Variants in CXADR observed in about 807,000 individuals in gnomAD.
The protein encoded by CXADR is coxsackievirus and adenovirus receptor.
In CXADR, 20 loss-of-function variants were observed where a neutral mutation model predicts 40.3. The observed-to-expected ratio is 0.50, with a 90% CI of 0.35 to 0.72. The LOEUF (loss-of-function observed/expected upper bound fraction) is 0.72, where lower values mean the gene tolerates loss of function less well. Ranked by LOEUF, CXADR falls within the 30% of genes least tolerant of loss-of-function variation. CXADR has a pLI of 0.01. For synonymous variants in CXADR, 150 were observed against 161.3 expected, an observed-to-expected ratio of 0.93 and a Z score of 0.53; for missense variants, 332 against 449.1, an observed-to-expected ratio of 0.74 and a Z score of 2.36.
Position 17,559,918 on chromosome 21 carries a change from C to G in CXADR, c.572-784C>G, listed in dbSNP as rs117552833. Reference sequence around the variant, plus strand: ...GGTCTCAAACTCCTGGGCTCAAGCTCTCCACCCACCTCAGCCTCCCAAAGT... The same window carrying G: ...GGTCTCAAACTCCTGGGCTCAAGCTGTCCACCCACCTCAGCCTCCCAAAGT... On this transcript the variant is annotated intron_variant, in intron 4 of 6. Coordinates refer to ENST00000284878, the MANE Select transcript of CXADR (RefSeq NM_001338.5). 8.3e-3 allele frequency among the ~76,000 whole-genome samples: 1,250 copies of G among 151,462 alleles called. 69 individuals carry two copies. The East Asian group carries it at 0.16, about 19-fold the overall frequency.
At chr21:17,513,741 G>C (rs1308734572) in intron 1 of CXADR, among the ~76,000 whole-genome samples, 1 of 152,216 alleles carries the variant, frequency 6.6e-6, no homozygotes, top group Non-Finnish European at 1.5e-5. Context: ...TCTCCTGGAA[G>C]CAGCTCGCCC....
chr21:17,518,211 T>C (rs1349390849), intron 1 of CXADR, among the ~76,000 whole-genome samples: 1 of 152,056 alleles, frequency 6.6e-6, no homozygotes, highest in Non-Finnish European at 1.5e-5. Flanking sequence ...CTCCACTGTA[T>C]ACACACATAC....
At chr21:17,558,930 A>G (rs2061070780) in intron 3 of CXADR, 46 bp from the exon 4 acceptor site, 5 of 1,561,030 alleles carry the variant, frequency 3.2e-6, no homozygotes, top group Middle Eastern at 1.7e-4. Context: ...TCATAAAAGT[A>G]AGTTCCATTC....
Position 17,553,723 on chromosome 21 carries a change from G to A in CXADR, c.415+1770G>A, listed in dbSNP as rs990660509. ...GGCAACCTCCGCCTCCTGGGTTCAA[G>A]CAATACTCTTGTCTTGCCGTCCTGA... On this transcript the variant is annotated intron_variant, in intron 3 of 6. Coordinates refer to ENST00000284878, the MANE Select transcript of CXADR (RefSeq NM_001338.5). Among the ~76,000 whole-genome samples, 3 of 151,080 alleles carry A rather than the reference G, an allele frequency of 2.0e-5. No individual in the cohort carries two copies. In the Admixed American group the frequency reaches 2.0e-4, roughly 10 times the overall value.
intron 1 of CXADR, chr21:17,530,377 T>C (rs1285619916): frequency 2.2e-6 from 1 of 453,860 alleles, no homozygotes; most frequent in Non-Finnish European, 4.4e-6. Flanking sequence ...TTACTTCTCA[T>C]GTTGGTAAGA....
rs1362681228 is a variant in CXADR, at chr21:17,568,882, TA to T, written c.*3194del. 5.5e-5 allele frequency: 54 copies of T among 985,240 alleles called. No homozygotes were observed. The highest frequency in any genetic ancestry group is 6.2e-5 in the Admixed American group (1 of 16,254). 61.0% of individuals were successfully genotyped at this position (985,240 alleles called of 1,614,324 possible). ...TTTGAGCTATCTGCCATGGACTTTC[TA>T]AAATGGAAACACAGCCTGAGTGTAT... On this transcript the variant is annotated 3_prime_UTR_variant, in exon 7 of 7. Coordinates refer to ENST00000284878, the MANE Select transcript of CXADR (RefSeq NM_001338.5).
intron 1 of CXADR, among the ~76,000 whole-genome samples, chr21:17,532,084 C>T (rs1465173073): frequency 2.6e-5 from 4 of 152,026 alleles, no homozygotes; most frequent in African/African-American, 9.7e-5. Context: ...GCATGCACCA[C>T]CACGTACAAC....
chr21:17,530,465 A>C, intron 1 of CXADR: 1 of 452,638 alleles, frequency 2.2e-6, no homozygotes, highest in Non-Finnish European at 4.4e-6. Context: ...ATCACAATTG[A>C]TTTATTTATT....
rs1356079376 is a variant in CXADR, at chr21:17,534,019, T to TATATATAGCTATATATATATACATACAC, written c.44-13001_44-13000insGCTATATATATATACATACACATATATA. Among the ~76,000 whole-genome samples, 3 of 81,392 alleles carry TATATATAGCTATATATATATACATACAC rather than the reference T, an allele frequency of 3.7e-5. No homozygotes were observed. In the South Asian group the frequency reaches 1.5e-3, roughly 40 times the overall value. 53.4% of individuals were successfully genotyped at this position (81,392 alleles called of 152,430 possible). The stretch of plus-strand genomic sequence containing the variant: ...TCTCTTTCTCAGCAATATATATATA[T>TATATATAGCTATATATATATACATACAC]ATATATATAGCTATATATATATATA... On this transcript the variant is annotated intron_variant, in intron 1 of 6. Coordinates refer to ENST00000284878, the MANE Select transcript of CXADR (RefSeq NM_001338.5).
chr21:17,536,387 G>A (rs1449960273), intron 1 of CXADR, among the ~76,000 whole-genome samples: 1 of 152,138 alleles, frequency 6.6e-6, no homozygotes, highest in Non-Finnish European at 1.5e-5. Flanking sequence ...TTTCTCCCAT[G>A]TAGGCTTCAT....
chr21:17,587,596 T>C (rs1274432348), intron 7 of CXADR, among the ~76,000 whole-genome samples: 1 of 152,210 alleles, frequency 6.6e-6, no homozygotes, highest in Non-Finnish European at 1.5e-5. Context: ...TGTTTTTTTC[T>C]TGTAAATTTG....
chr21:17,515,533 C>T (rs1450386335), intron 1 of CXADR, among the ~76,000 whole-genome samples: 1 of 152,072 alleles, frequency 6.6e-6, no homozygotes, highest in African/African-American at 2.4e-5. Flanking sequence ...TGGTATGGGC[C>T]GGGCGCGGTG....
intron 1 of CXADR, 106 bp from the exon 2 acceptor site, chr21:17,546,921 T>C: frequency 7.3e-7 from 1 of 1,363,494 alleles, no homozygotes; most frequent in Non-Finnish European, 1.0e-6. Flanking sequence ...CCAAACCCCG[T>C]CCTGTATCCC....
the CXADR span, among the ~76,000 whole-genome samples, chr21:17,631,063 T>C: frequency 6.6e-6 from 1 of 152,322 alleles, no homozygotes; most frequent in Admixed American, 6.5e-5. Flanking sequence ...AAGATAGTTG[T>C]AAAAAGATCA....
chr21:17,578,700 G>A (rs211961), intron 7 of CXADR, among the ~76,000 whole-genome samples: 20,511 of 152,164 alleles, frequency 0.13, 1,485 homozygotes, highest in Middle Eastern at 0.17. Flanking sequence ...ATGGTGGCAC[G>A]TGCCTGTTGT....
At chr21:17,585,634 C>T (rs2061389840) in intron 7 of CXADR, among the ~76,000 whole-genome samples, 1 of 152,158 alleles carries the variant, frequency 6.6e-6, no homozygotes, top group African/African-American at 2.4e-5. Flanking sequence ...TCTCCTGCCT[C>T]AGCCTCCTGA....
the CXADR span, among the ~76,000 whole-genome samples, chr21:17,630,187 G>A: frequency 6.6e-6 from 1 of 152,126 alleles, no homozygotes; most frequent in African/African-American, 2.4e-5. Context: ...CCTAAGAACA[G>A]GAATATGTTA....
At chr21:17,614,161 G>A in the CXADR span, 1 of 151,706 alleles carries the variant, frequency 6.6e-6, no homozygotes. Flanking sequence ...ATTTAAAGAG[G>A]ATATTTACAC....
At chr21:17,593,850 T>G, downstream of CXADR, 1 of 485,158 alleles carries the variant, frequency 2.1e-6, no homozygotes, top group Non-Finnish European at 3.6e-6. Context: ...ATATAAATAC[T>G]CAAGTCCAAT....
Sources: allele counts gnomAD v4.1 joint callset (sites outside exome capture counted in the v4.1 genomes callset), GRCh38; gene constraint gnomAD v4.1.1; transcripts MANE v1.5; gene names NCBI Gene and HGNC (gene_info 2026-07-23, HGNC 2026-07-21).